The following WIPI2 variants were observed in gnomAD, a reference collection of about 807,000 sequenced individuals.
WIPI2 encodes WD repeat domain phosphoinositide-interacting protein 2.
A neutral mutation model predicts 52.3 loss-of-function variants in WIPI2; 28 were observed. The observed-to-expected ratio is 0.54, with a 90% CI of 0.40 to 0.73. The LOEUF (loss-of-function observed/expected upper bound fraction) is 0.73. Ranked by LOEUF, WIPI2 falls within the 30% of genes least tolerant of loss-of-function variation. WIPI2 has a pLI of 0.00. For missense variants in WIPI2, 506 were observed against 602.9 expected (o/e 0.84, Z 1.68); for synonymous variants, 268 against 245.0 (o/e 1.09, Z -0.88).
intron 8 of WIPI2, among the ~76,000 whole-genome samples, chr7:5,224,722 CGCCGG>C (rs753480362): frequency 6.6e-6 from 1 of 152,132 alleles, no homozygotes; most frequent in Non-Finnish European, 1.5e-5. Flanking sequence ...TGTGTGGGGC[CGCCGG>C]ATCCATCAAG....
At chr7:5,191,467 A>G (rs1409246445) in intron 1 of WIPI2, among the ~76,000 whole-genome samples, 1 of 152,196 alleles carries the variant, frequency 6.6e-6, no homozygotes, top group Non-Finnish European at 1.5e-5. Flanking sequence ...TCAGAGCTCC[A>G]GCGGGTGGGT....
chr7:5,190,551 G>C (rs919589669), intron 1 of WIPI2, 58 bp downstream of exon 1: 5 of 1,376,476 alleles, frequency 3.6e-6, no homozygotes, highest in Non-Finnish European at 3.8e-6. Flanking sequence ...CCCGGGCTAG[G>C]GGGAGGGCCT....
intron 3 of WIPI2, among the ~76,000 whole-genome samples, chr7:5,201,481 C>T (rs1049151415): frequency 6.6e-6 from 1 of 152,206 alleles, no homozygotes; most frequent in Non-Finnish European, 1.5e-5. Context: ...CAGTGGCTCA[C>T]GCCTGTAATC....
intron 2 of WIPI2, among the ~76,000 whole-genome samples, chr7:5,195,282 T>G (rs1781691922): frequency 6.6e-6 from 1 of 150,766 alleles, no homozygotes; most frequent in Non-Finnish European, 1.5e-5. Context: ...AGTTCAGGAG[T>G]TCAAGACCAG....
Position 5,223,852 on chromosome 7 carries a change from C to T in WIPI2, c.740+1180C>T, listed in dbSNP as rs113706273. 3.9e-4 allele frequency among the ~76,000 whole-genome samples: 59 copies of T among 152,350 alleles called. 1 individual carries two copies. Among genetic ancestry groups the T allele is most frequent in the Middle Eastern group, 3.4e-3 (1 of 294 alleles). On this transcript the variant is annotated intron_variant, in intron 8 of 12. Transcript: ENST00000288828. ...AGCCAGAGGGACTCGGCCCTGCATC[C>T]TTCCGCCTGAATGGTGCCTCCAGGG...
At chr7:5,223,854 T>C (rs1213377309) in intron 8 of WIPI2, among the ~76,000 whole-genome samples, 2 of 152,168 alleles carry the variant, frequency 1.3e-5, no homozygotes, top group Non-Finnish European at 2.9e-5. Flanking sequence ...CCTGCATCCT[T>C]CCGCCTGAAT....
intron 2 of WIPI2, among the ~76,000 whole-genome samples, chr7:5,198,599 C>CCACCA (rs1321237063): frequency 2.0e-5 from 3 of 152,316 alleles, no homozygotes; most frequent in African/African-American, 7.2e-5. Context: ...TAGGCATGAG[C>CCACCA]CACCACACCT....
At position 5,227,431 on chromosome 7, in the gene WIPI2, T is replaced by C. The variant is rs1583593959; in HGVS notation, c.1013+87T>C. 6.6e-7 allele frequency: 1 copy of C among 1,524,826 alleles called. No homozygotes were observed. Among genetic ancestry groups the C allele is most frequent in the Non-Finnish European group, 8.8e-7 (1 of 1,139,296 alleles). 94.5% of individuals were successfully genotyped at this position (1,524,826 alleles called of 1,614,324 possible). Reference sequence around the variant, plus strand: ...TGGCGGCTTGTGGCCCCTTCCGTGCTTCTGAACAGGAGCAGCTTCTTAGAG... The same window carrying C: ...TGGCGGCTTGTGGCCCCTTCCGTGCCTCTGAACAGGAGCAGCTTCTTAGAG... On this transcript the variant is annotated intron_variant, in intron 10 of 12. Coordinates refer to ENST00000288828, the MANE Select transcript of WIPI2 (RefSeq NM_015610.4). The surrounding 1 kb of genome is among the most constrained non-coding windows in gnomAD (Gnocchi z 8.1).
At chr7:5,219,186 G>C (rs989211065) in intron 7 of WIPI2, among the ~76,000 whole-genome samples, 2 of 152,144 alleles carry the variant, frequency 1.3e-5, no homozygotes, top group Admixed American at 6.6e-5. Flanking sequence ...ACAGTTCTCT[G>C]TTTCATAGCA....
intron 1 of WIPI2, among the ~76,000 whole-genome samples, chr7:5,192,083 C>T (rs1295605407): frequency 1.3e-5 from 2 of 152,054 alleles, no homozygotes; most frequent in Non-Finnish European, 2.9e-5. Context: ...GAGTAGAATT[C>T]TGAAGACAGT....
chr7:5,230,913 G>T lies in WIPI2; in HGVS notation c.1331G>T (p.Ser444Ile). ...EASALRLDED[S>I]EHPPMILRTD is the part of the protein sequence containing the mutation. ...AGCGCCCTGCGCCTGGATGAGGACA[G>T]CGAGCACCCGCCCATGATTCTTCGG... Residue 444 changes from serine (S) to isoleucine (I), a missense_variant, in exon 13 of 13, where the codon AGC becomes ATC. Physicochemically the swap from Ser to Ile is moderately radical, Grantham distance 142. Around this residue, in one of 4 missense-constraint regions of WIPI2, gnomAD observed 194 missense variants for 175.1 expected, o/e 1.11. Coordinates refer to ENST00000288828, the MANE Select transcript of WIPI2 (RefSeq NM_015610.4). This position sits in a 1 kb window ranked among gnomAD's most constrained non-coding sequence, Gnocchi z 4.8. 6.2e-7 allele frequency: 1 copy of T among 1,613,778 alleles called. No homozygotes were observed. Among genetic ancestry groups the T allele is most frequent in the Non-Finnish European group, 8.5e-7 (1 of 1,179,846 alleles).
At chr7:5,224,620 G>C (rs1783332923) in intron 8 of WIPI2, among the ~76,000 whole-genome samples, 1 of 152,216 alleles carries the variant, frequency 6.6e-6, no homozygotes, top group Non-Finnish European at 1.5e-5. Flanking sequence ...TGACTGGTCA[G>C]AGATGAAATG....
At chr7:5,197,369 G>A (rs1023045658) in intron 2 of WIPI2, among the ~76,000 whole-genome samples, 5 of 152,084 alleles carry the variant, frequency 3.3e-5, no homozygotes, top group African/African-American at 9.7e-5. Flanking sequence ...TCAGTTTCCC[G>A]AAAGTTCTGG....
chr7:5,228,793 G>A (rs988790320), intron 11 of WIPI2, among the ~76,000 whole-genome samples: 13 of 152,110 alleles, frequency 8.5e-5, no homozygotes, highest in African/African-American at 3.1e-4. Context: ...CAGTGGTGCA[G>A]TCACAGCTCA....
chr7:5,217,899 CTT>C, intron 6 of WIPI2, 21 bp from the exon 7 acceptor site: 4 of 1,613,712 alleles, frequency 2.5e-6, no homozygotes, highest in Non-Finnish European at 2.5e-6. Context: ...GGTGGCCACT[CTT>C]TATTGGTGTC....
At chr7:5,210,717 A>G (rs780900956) in intron 3 of WIPI2, among the ~76,000 whole-genome samples, 6 of 152,342 alleles carry the variant, frequency 3.9e-5, no homozygotes, top group Admixed American at 6.5e-5. Context: ...CTTGTTGTTC[A>G]CAGTTCTAGT....
chr7:5,206,773 T>C (rs1364799674), intron 3 of WIPI2, among the ~76,000 whole-genome samples: 11 of 152,138 alleles, frequency 7.2e-5, no homozygotes, highest in Non-Finnish European at 7.4e-5. Flanking sequence ...CTTTTTTATG[T>C]TTATTTCTTT....
chr7:5,214,701 G>A lies in WIPI2; in HGVS notation c.378G>A (p.Arg126=), dbSNP rs376470077. 8.7e-6 allele frequency: 14 copies of A among 1,613,816 alleles called. No homozygotes were observed. Among genetic ancestry groups the A allele is most frequent in the Non-Finnish European group, 1.1e-5 (13 of 1,180,032 alleles). Reference sequence around the variant, plus strand: ...CGATTCTGGCTGTGAAGCTCAACAGGCAGGTGAGCGCTGCCCCAGCTGGGT... The same window carrying A: ...CGATTCTGGCTGTGAAGCTCAACAGACAGGTGAGCGCTGCCCCAGCTGGGT... ...SNTILAVKLN[R]QRLIVCLEES... Residue 126 remains arginine, a synonymous_variant, in exon 4 of 13, where the codon AGG becomes AGA. Coordinates refer to ENST00000288828, the MANE Select transcript of WIPI2 (RefSeq NM_015610.4).
In WIPI2 at chr7:5,228,254, C is replaced by T. The variant is rs747442080; in HGVS notation, c.1121+43C>T. On this transcript the variant is annotated intron_variant, in intron 11 of 12. Transcript: ENST00000288828. ...GCTTCACGGAGCTGCTCCGTGCTGG[C>T]GGGGGGCTTTCGGGGCACCTGGCGA... 1.2e-5 allele frequency: 18 copies of T among 1,535,956 alleles called. No homozygotes were observed. In the South Asian group the frequency reaches 1.9e-4, roughly 16 times the overall value.
Sources: allele counts gnomAD v4.1 joint callset (sites outside exome capture counted in the v4.1 genomes callset), GRCh38; gene constraint gnomAD v4.1.1; regional missense constraint gnomAD v4.1.1; non-coding constraint Gnocchi (gnomAD v3.1); transcripts MANE v1.5; gene names NCBI Gene and HGNC (gene_info 2026-07-23, HGNC 2026-07-21).